TENT5D: variants seen among roughly 807,000 people sequenced by gnomAD.
The protein encoded by TENT5D is terminal nucleotidyltransferase 5D.
For synonymous variants in TENT5D, 103 were observed against 100.6 expected, an observed-to-expected ratio of 1.02 and a Z score of -0.15; for missense variants, 191 against 287.0, an observed-to-expected ratio of 0.67 and a Z score of 2.42.
At chrX:80,349,101 C>T (rs995940104) in intron 3 of TENT5D, among the ~76,000 whole-genome samples, 3 of 111,671 alleles carry the variant, frequency 2.7e-5, no homozygotes, top group African/African-American at 3.3e-5. Context: ...TGTTCATCAA[C>T]GATACTGTCT....
chrX:80,386,641 T>G (rs187552853), intron 3 of TENT5D, among the ~76,000 whole-genome samples: 83 of 112,027 alleles, frequency 7.4e-4, no homozygotes, highest in African/African-American at 2.5e-3. Flanking sequence ...AGGATCGTTA[T>G]TAATAAAGAT....
At chrX:80,393,894 CCATTT>C (rs1931187355) in intron 3 of TENT5D, among the ~76,000 whole-genome samples, 1 of 111,940 alleles carries the variant, frequency 8.9e-6, no homozygotes. Context: ...AGAATATCTT[CCATTT>C]CAAGGCTGAA....
intron 3 of TENT5D, among the ~76,000 whole-genome samples, chrX:80,360,392 C>T (rs1340373354): frequency 6.3e-5 from 7 of 111,651 alleles, no homozygotes; most frequent in Non-Finnish European, 1.1e-4. Flanking sequence ...AAATAAGTGA[C>T]ATTTTGGTTC....
intron 3 of TENT5D, among the ~76,000 whole-genome samples, chrX:80,342,919 G>T (rs892514778): frequency 9.3e-6 from 1 of 107,427 alleles, no homozygotes; most frequent in Non-Finnish European, 1.9e-5. Flanking sequence ...TTTTCTGTTA[G>T]TTTCTCCTTT....
chrX:80,415,917 T>C (rs1931763179), upstream of TENT5D, among the ~76,000 whole-genome samples: 1 of 111,677 alleles, frequency 9.0e-6, no homozygotes, highest in Non-Finnish European at 1.9e-5. Flanking sequence ...TGAATCTGTC[T>C]GGTCTTTGTA....
At chrX:80,407,314 TAA>T (rs1341263854) in intron 3 of TENT5D, among the ~76,000 whole-genome samples, 1 of 110,670 alleles carries the variant, frequency 9.0e-6, no homozygotes, top group African/African-American at 3.3e-5. Context: ...GCAAATTGGA[TAA>T]AGAGTCAAGA....
Position 80,341,750 on chromosome X carries a change from C to T in TENT5D, c.-206-750C>T, listed in dbSNP as rs1326276307. Among the ~76,000 whole-genome samples the T allele has an allele frequency of 7.5e-4, 70 of 93,556 alleles. 1 individual carries two copies. Among genetic ancestry groups the T allele is most frequent in the Admixed American group, 2.1e-3 (17 of 8,047 alleles). 81.2% of individuals were successfully genotyped at this position (93,556 alleles called of 115,157 possible). On this transcript the variant is annotated intron_variant, in intron 2 of 4. Coordinates refer to the TENT5D transcript ENST00000538312. ...TTTTTGAGACGGAGTCTCGCTCTGT[C>T]GCCCAGGCTGGAGTGCAGTGGCGCG...
chrX:80,400,216 A>G (rs1038429765), intron 3 of TENT5D, among the ~76,000 whole-genome samples: 3 of 111,812 alleles, frequency 2.7e-5, no homozygotes, highest in Admixed American at 1.9e-4. Context: ...TCTGATGTCC[A>G]AGGCAGCAGA....
intron 3 of TENT5D, among the ~76,000 whole-genome samples, chrX:80,396,212 A>C (rs1469565561): frequency 2.7e-5 from 3 of 111,239 alleles, no homozygotes; most frequent in African/African-American, 9.8e-5. Flanking sequence ...AATTCCAAGT[A>C]GTGAGATTGC....
intron 1 of TENT5D, among the ~76,000 whole-genome samples, chrX:80,429,254 G>C (rs746550276): frequency 9.0e-6 from 1 of 111,552 alleles, no homozygotes; most frequent in African/African-American, 3.3e-5. Flanking sequence ...TTGCCATACT[G>C]ATAGCAATTA....
chrX:80,364,949 G>T (rs1930477672), intron 3 of TENT5D, among the ~76,000 whole-genome samples: 1 of 108,671 alleles, frequency 9.2e-6, no homozygotes, highest in Non-Finnish European at 1.9e-5. Context: ...TCCATAGCAA[G>T]GTCCTCCCTC....
At chrX:80,412,939 A>G (rs746924629) in intron 3 of TENT5D, among the ~76,000 whole-genome samples, 43 of 107,172 alleles carry the variant, frequency 4.0e-4, no homozygotes, top group Non-Finnish European at 7.9e-4. Context: ...TTTTGGTGTT[A>G]CTATATTTTT....
chrX:80,439,127 C>G (rs1451462066), intron 2 of TENT5D, among the ~76,000 whole-genome samples: 1 of 111,575 alleles, frequency 9.0e-6, no homozygotes, highest in African/African-American at 3.2e-5. Context: ...GCAATGTGAA[C>G]TACTGCTGAT....
At chrX:80,419,321 A>G (rs181915474), upstream of TENT5D, among the ~76,000 whole-genome samples, 1 of 112,179 alleles carries the variant, frequency 8.9e-6, no homozygotes. Context: ...AAGGATTAGG[A>G]TTATAGTCTT....
intron 3 of TENT5D, among the ~76,000 whole-genome samples, chrX:80,360,177 C>T (rs1481811257): frequency 8.9e-6 from 1 of 112,022 alleles, no homozygotes; most frequent in Non-Finnish European, 1.9e-5. Flanking sequence ...AGTAATAATG[C>T]CACAATAAGA....
intron 3 of TENT5D, among the ~76,000 whole-genome samples, chrX:80,394,183 AG>A (rs1009335736): frequency 9.0e-5 from 10 of 111,130 alleles, no homozygotes; most frequent in African/African-American, 3.3e-4. Context: ...ACGGTGTACA[AG>A]GGTTTCCTTT....
intron 3 of TENT5D, among the ~76,000 whole-genome samples, chrX:80,410,679 A>AAG: frequency 9.6e-6 from 1 of 104,547 alleles, no homozygotes; most frequent in East Asian, 3.1e-4. Context: ...TGTGGAAGTC[A>AAG]GTGTGGCGAT....
chrX:80,408,703 A>C (rs888050777), intron 3 of TENT5D, among the ~76,000 whole-genome samples: 1 of 111,426 alleles, frequency 9.0e-6, no homozygotes, highest in Non-Finnish European at 1.9e-5. Context: ...TTCTGAAACT[A>C]TTCCAATCAA....
intron 3 of TENT5D, among the ~76,000 whole-genome samples, chrX:80,346,471 C>G (rs1237944818): frequency 9.0e-6 from 1 of 111,622 alleles, no homozygotes; most frequent in Non-Finnish European, 1.9e-5. Context: ...TACAAGAGTT[C>G]TAGTTGTCAC....
Sources: gnomAD v4.1 joint callset for allele counts (sites outside exome capture counted in the v4.1 genomes callset) on GRCh38, gnomAD v4.1.1 for gene constraint, MANE v1.5 for transcripts, NCBI Gene and HGNC (gene_info 2026-07-23, HGNC 2026-07-21) for gene names.